Variants in SYTL3 observed in about 807,000 individuals in gnomAD.
SYTL3 encodes the protein synaptotagmin like 3.
In SYTL3, 88 loss-of-function variants were observed where a neutral mutation model predicts 82.1. The ratio of observed to expected loss-of-function variants is 1.07; its 90% CI spans 0.90 to 1.28. The LOEUF (loss-of-function observed/expected upper bound fraction) is 1.28, where lower values mean the gene tolerates loss of function less well. Ranked by LOEUF, SYTL3 falls within the 50% of genes most tolerant of loss-of-function variation. The pLI is 0.00. For missense variants in SYTL3, 831 were observed against 757.6 expected (o/e 1.10, Z -1.14); for synonymous variants, 311 against 289.4 (o/e 1.07, Z -0.76).
In SYTL3 at chr6:158,662,576, T is replaced by G. The variant is rs1467630440; in HGVS notation, c.-519-174T>G. 3.9e-5 allele frequency among the ~76,000 whole-genome samples: 6 copies of G among 152,218 alleles called. No homozygotes were observed. In the East Asian group the frequency reaches 1.2e-3, roughly 29 times the overall value. ...ATTAGGAAAATTCAAGTTTGGAAGT[T>G]TGAGGCTTTTAGAAATATGAGAAGT... On this transcript the variant is annotated intron_variant, in intron 3 of 17. Coordinates refer to ENST00000611299, the MANE Select transcript of SYTL3 (RefSeq NM_001242394.2).
At chr6:158,745,044 G>C (rs962162476) in intron 11 of SYTL3, among the ~76,000 whole-genome samples, 1 of 152,082 alleles carries the variant, frequency 6.6e-6, no homozygotes, top group African/African-American at 2.4e-5. Context: ...CAGCTAATGA[G>C]TGGCAGCACT....
chr6:158,648,019 C>T (rs1418906698), upstream of SYTL3, among the ~76,000 whole-genome samples: 2 of 152,172 alleles, frequency 1.3e-5, no homozygotes, highest in African/African-American at 2.4e-5. Context: ...AGTGGCTGGG[C>T]GCAGTGGCTC....
chr6:158,752,111 C>A, intron 13 of SYTL3, 81 bp downstream of exon 13: 1 of 852,250 alleles, frequency 1.2e-6, no homozygotes, highest in Non-Finnish European at 1.8e-6. Context: ...GTGGATGGTG[C>A]TTTCAAACTC....
At chr6:158,725,835 G>C (rs1022281849) in intron 11 of SYTL3, 198 bp downstream of exon 11, 1 of 767,774 alleles carries the variant, frequency 1.3e-6, no homozygotes, top group Admixed American at 2.2e-5. Flanking sequence ...CCTCAGGCCT[G>C]TGTCTTGGAG....
chr6:158,682,496 A>C (rs1778820838), intron 5 of SYTL3, among the ~76,000 whole-genome samples: 1 of 150,926 alleles, frequency 6.6e-6, no homozygotes, highest in Non-Finnish European at 1.5e-5. Flanking sequence ...AGTAGCTGGG[A>C]CTACAGGTGC....
At chr6:158,651,302 T>C (rs1787981190) in intron 1 of SYTL3, among the ~76,000 whole-genome samples, 2 of 152,124 alleles carry the variant, frequency 1.3e-5, no homozygotes, top group South Asian at 4.1e-4. Flanking sequence ...TATAATAATA[T>C]TAATTCTCGG....
chr6:158,656,758 C>G (rs1264701947), intron 2 of SYTL3, among the ~76,000 whole-genome samples: 1 of 152,068 alleles, frequency 6.6e-6, no homozygotes, highest in South Asian at 2.1e-4. Flanking sequence ...TACTCCCTTA[C>G]TCTATTGTTG....
At chr6:158,746,447 A>AT (rs1554263731) in intron 12 of SYTL3, among the ~76,000 whole-genome samples, 4 of 120,930 alleles carry the variant, frequency 3.3e-5, no homozygotes, top group Middle Eastern at 4.7e-3. Flanking sequence ...CATTATAATA[A>AT]TAATAATAAT....
intron 5 of SYTL3, among the ~76,000 whole-genome samples, chr6:158,673,583 G>T (rs1777647477): frequency 6.6e-6 from 1 of 151,600 alleles, no homozygotes. Flanking sequence ...GGGACTACAG[G>T]CGCTGGCCAC....
At position 158,662,799 on chromosome 6, in the gene SYTL3, A is replaced by G. The variant is rs1412906229; in HGVS notation, c.-470A>G. On this transcript the variant is annotated 5_prime_UTR_variant, in exon 4 of 18. Coordinates refer to ENST00000611299, the MANE Select transcript of SYTL3 (RefSeq NM_001242394.2). ...TGATGGTTCCTGCTGACCTGGAAAC[A>G]TCTTAAATGGAAGGTTAGCTTCTAT... The G allele has an allele frequency of 3.9e-5, 6 of 152,790 alleles. No individual in the cohort carries two copies. Among genetic ancestry groups the G allele is most frequent in the Admixed American group, 3.3e-4 (5 of 15,290 alleles). 9.5% of individuals were successfully genotyped at this position (152,790 alleles called of 1,614,324 possible). A position where few individuals can be genotyped will look rare whatever the true frequency, so the allele number is the denominator to read the frequency against.
At chr6:158,735,785 A>C (rs888552886) in intron 11 of SYTL3, among the ~76,000 whole-genome samples, 15 of 152,228 alleles carry the variant, frequency 9.9e-5, no homozygotes, top group Admixed American at 3.3e-4. Flanking sequence ...CACTTTAGTA[A>C]ATTTTAAAAA....
intron 5 of SYTL3, among the ~76,000 whole-genome samples, chr6:158,674,234 GC>G (rs1464128828): frequency 6.6e-6 from 1 of 151,998 alleles, no homozygotes; most frequent in East Asian, 1.9e-4. Context: ...TTTCTAGCCT[GC>G]CATTTCTGCT....
intron 5 of SYTL3, among the ~76,000 whole-genome samples, chr6:158,666,323 C>T (rs762828744): frequency 5.3e-5 from 8 of 152,168 alleles, no homozygotes; most frequent in Non-Finnish European, 1.0e-4. Flanking sequence ...ACATGCTTCC[C>T]TTTAGTGACA....
upstream of SYTL3, among the ~76,000 whole-genome samples, chr6:158,649,102 G>A (rs1787712966): frequency 6.6e-6 from 1 of 152,194 alleles, no homozygotes; most frequent in African/African-American, 2.4e-5. Flanking sequence ...TGGTATAGCA[G>A]GGCCTCCGCT....
intron 5 of SYTL3, 44 bp downstream of exon 5, chr6:158,665,657 T>A (rs1789961512): frequency 2.1e-6 from 3 of 1,440,232 alleles, no homozygotes; most frequent in Non-Finnish European, 1.9e-6. Context: ...GATTCAGGTC[T>A]CGGAGGAGGC....
intron 17 of SYTL3, among the ~76,000 whole-genome samples, chr6:158,763,721 G>A (rs1790325998): frequency 6.6e-6 from 1 of 152,166 alleles, no homozygotes; most frequent in South Asian, 2.1e-4. Context: ...ATTTAGATCT[G>A]CTAAAGAAAC....
At chr6:158,748,771 G>A (rs1787978922) in intron 12 of SYTL3, among the ~76,000 whole-genome samples, 1 of 151,742 alleles carries the variant, frequency 6.6e-6, no homozygotes, top group African/African-American at 2.4e-5. Flanking sequence ...CTTGAACCAG[G>A]GAGGTAGACG....
intron 11 of SYTL3, chr6:158,725,947 AG>A (rs1241416812): frequency 3.0e-6 from 2 of 676,322 alleles, no homozygotes; most frequent in Non-Finnish European, 5.6e-6. Flanking sequence ...CAGATAGGGC[AG>A]GAGGGCGCCG....
intron 2 of SYTL3, among the ~76,000 whole-genome samples, chr6:158,655,966 A>T (rs187097317): frequency 3.5e-4 from 54 of 152,272 alleles, no homozygotes; most frequent in African/African-American, 1.0e-3. Context: ...GTGGTCAGGG[A>T]ATGGTCTTGA....
Sources: allele counts gnomAD v4.1 joint callset (sites outside exome capture counted in the v4.1 genomes callset), GRCh38; gene constraint gnomAD v4.1.1; transcripts MANE v1.5; gene names NCBI Gene and HGNC (gene_info 2026-07-23, HGNC 2026-07-21).